GRM1: variants seen among roughly 807,000 people sequenced by gnomAD.
GRM1 encodes the protein metabotropic glutamate receptor 1.
GRM1 carries 33 observed loss-of-function variants against 90.9 expected under a neutral mutation model. The ratio of observed to expected loss-of-function variants is 0.36; its 90% CI spans 0.28 to 0.49. The LOEUF (loss-of-function observed/expected upper bound fraction) is 0.49, where lower values mean the gene tolerates loss of function less well. Among genes scored for constraint, GRM1 ranks in the 20% least tolerant of loss-of-function variants. The pLI, the probability that GRM1 is intolerant of heterozygous loss-of-function variation, is 0.99. For synonymous variants in GRM1, 700 were observed against 613.2 expected, an observed-to-expected ratio of 1.14 and a Z score of -2.09; for missense variants, 1,190 against 1,534.3, an observed-to-expected ratio of 0.78 and a Z score of 3.75.
rs140418682 is a variant in GRM1 at position 146,339,802 on chromosome 6, C to T, written c.1187-12448C>T. Among the ~76,000 whole-genome samples the T allele has an allele frequency of 5.9e-5, 9 of 152,270 alleles. No homozygotes were observed. In the East Asian group the frequency reaches 7.7e-4, roughly 13 times the overall value. On this transcript the variant is annotated intron_variant, in intron 3 of 7. Transcript: ENST00000282753. ...GTGCTGTGCTGGATTTCTGGCAGCACGCTAGCCCTCAGCTATCCTTTCCCT... is the reference window on the plus strand; with the variant it reads ...GTGCTGTGCTGGATTTCTGGCAGCATGCTAGCCCTCAGCTATCCTTTCCCT...
intron 2 of GRM1, among the ~76,000 whole-genome samples, chr6:146,287,077 G>A (rs576274768): frequency 1.3e-5 from 2 of 152,288 alleles, no homozygotes; most frequent in African/African-American, 4.8e-5. Context: ...AAGTTTTTGT[G>A]GCAGATTATT....
At chr6:146,168,035 A>G (rs1202980503) in intron 2 of GRM1, among the ~76,000 whole-genome samples, 1 of 151,924 alleles carries the variant, frequency 6.6e-6, no homozygotes, top group African/African-American at 2.4e-5. Flanking sequence ...TTTGGGCCTA[A>G]TTTTTGTATA....
In GRM1 at chr6:146,159,550, C is replaced by T. The variant is rs1242530891; in HGVS notation, c.903C>T (p.Ser301=). 2.0e-5 allele frequency: 32 copies of T among 1,613,888 alleles called. No individual in the cohort carries two copies. The highest frequency in any genetic ancestry group is 2.5e-5 in the Non-Finnish European group (30 of 1,179,962). The change falls in exon 2 of 8, where the codon AGC becomes AGT. Residue 301 remains serine (S), a synonymous_variant. Coordinates refer to ENST00000282753, the MANE Select transcript of GRM1 (RefSeq NM_001278064.2). The part of the protein sequence containing the change: ...CEGMTVRGLL[S]AMRRLGVVGE... Reference sequence around the variant, plus strand: ...GCATGACAGTGCGAGGACTCCTGAGCGCCATGCGGCGCCTTGGCGTCGTGG... The same window carrying T: ...GCATGACAGTGCGAGGACTCCTGAGTGCCATGCGGCGCCTTGGCGTCGTGG...
intron 1 of GRM1, among the ~76,000 whole-genome samples, chr6:146,081,305 T>A (rs1776356996): frequency 6.6e-6 from 1 of 152,130 alleles, no homozygotes; most frequent in Non-Finnish European, 1.5e-5. Context: ...GTTAAGAAGC[T>A]ACAGAGAGAG....
intron 5 of GRM1, among the ~76,000 whole-genome samples, chr6:146,358,658 G>A (rs1583381480): frequency 6.6e-6 from 1 of 152,320 alleles, no homozygotes; most frequent in Middle Eastern, 3.4e-3. Flanking sequence ...GCTCTGATAA[G>A]TTCACTGAAG....
chr6:146,176,606 G>A (rs935589473), intron 2 of GRM1, among the ~76,000 whole-genome samples: 9 of 151,960 alleles, frequency 5.9e-5, no homozygotes, highest in Non-Finnish European at 8.8e-5. Flanking sequence ...AGAATCAACA[G>A]CTCAAAATAT....
chr6:146,139,416 A>G (rs1407276684), intron 1 of GRM1, among the ~76,000 whole-genome samples: 1 of 152,144 alleles, frequency 6.6e-6, no homozygotes, highest in African/African-American at 2.4e-5. Context: ...ACAGGGTTGA[A>G]GTCTCTAGTT....
intron 2 of GRM1, among the ~76,000 whole-genome samples, chr6:146,216,155 A>G (rs908712121): frequency 6.6e-6 from 1 of 152,200 alleles, no homozygotes. Context: ...ATATGTATGT[A>G]TATGTATGTA....
chr6:146,105,131 T>C (rs879924876), intron 1 of GRM1, among the ~76,000 whole-genome samples: 8 of 152,216 alleles, frequency 5.3e-5, no homozygotes, highest in Non-Finnish European at 8.8e-5. Flanking sequence ...GGTTTTAAAA[T>C]AAGCAATTGG....
At chr6:146,180,729 C>T (rs1778521155) in intron 2 of GRM1, among the ~76,000 whole-genome samples, 1 of 151,974 alleles carries the variant, frequency 6.6e-6, no homozygotes, top group African/African-American at 2.4e-5. Context: ...CTTCATAGGA[C>T]TTTCATTAGC....
chr6:146,287,196 G>A (rs1254821742), intron 2 of GRM1, among the ~76,000 whole-genome samples: 2 of 152,062 alleles, frequency 1.3e-5, no homozygotes, highest in Non-Finnish European at 2.9e-5. Flanking sequence ...TAATAAGTAG[G>A]GTTTAGAGAC....
At chr6:146,046,076 C>T (rs140563312) in intron 1 of GRM1, among the ~76,000 whole-genome samples, 1 of 152,058 alleles carries the variant, frequency 6.6e-6, no homozygotes, top group East Asian at 1.9e-4. Context: ...GCTTTAAGTC[C>T]ATCTGTCTTC....
intron 1 of GRM1, among the ~76,000 whole-genome samples, chr6:146,133,462 G>A (rs574463286): frequency 2.0e-4 from 30 of 152,322 alleles, no homozygotes; most frequent in Non-Finnish European, 4.0e-4. Context: ...TAGGGGAGAT[G>A]ACAGAGGATG....
chr6:146,405,851 C>T (rs1777328686), intron 7 of GRM1, among the ~76,000 whole-genome samples: 1 of 152,090 alleles, frequency 6.6e-6, no homozygotes, highest in Non-Finnish European at 1.5e-5. Flanking sequence ...GGGAGAATGA[C>T]TCATATATTC....
chr6:146,363,552 C>T (rs989412423), intron 5 of GRM1, among the ~76,000 whole-genome samples: 4 of 151,934 alleles, frequency 2.6e-5, no homozygotes, highest in African/African-American at 9.7e-5. Flanking sequence ...ATCTCTAGAA[C>T]GTAATATAAA....
intron 1 of GRM1, among the ~76,000 whole-genome samples, chr6:146,080,327 G>C (rs1478153307): frequency 2.0e-5 from 3 of 152,096 alleles, no homozygotes; most frequent in Non-Finnish European, 4.4e-5. Flanking sequence ...TTCTGAATAT[G>C]CTGTCTTCTG....
intron 2 of GRM1, among the ~76,000 whole-genome samples, chr6:146,246,298 C>T (rs1000986639): frequency 9.9e-5 from 15 of 152,274 alleles, no homozygotes; most frequent in African/African-American, 3.4e-4. Flanking sequence ...TAGATGAGAG[C>T]TTTGGTGACA....
intron 2 of GRM1, among the ~76,000 whole-genome samples, chr6:146,193,807 A>G (rs190434492): frequency 1.3e-5 from 2 of 152,044 alleles, no homozygotes; most frequent in African/African-American, 2.4e-5. Context: ...ATGGAGACCT[A>G]TGTAGTTTCT....
In GRM1 at chr6:146,434,986, A is replaced by T. The variant is rs911358845; in HGVS notation, c.*190A>T. 1.6e-6 allele frequency: 1 copy of T among 607,082 alleles called. No homozygotes were observed. Among genetic ancestry groups the T allele is most frequent in the Admixed American group, 2.7e-5 (1 of 36,554 alleles). 37.6% of individuals were successfully genotyped at this position (607,082 alleles called of 1,614,324 possible). On this transcript the variant is annotated 3_prime_UTR_variant, in exon 8 of 8. Coordinates refer to ENST00000282753, the MANE Select transcript of GRM1 (RefSeq NM_001278064.2). Reference sequence around the variant, plus strand: ...AGAGAGGGAAGGACACCAAGCAAAAAATGTTCCAGGCCAGGATTCGGATTC... The same window carrying T: ...AGAGAGGGAAGGACACCAAGCAAAATATGTTCCAGGCCAGGATTCGGATTC...
Sources: allele counts gnomAD v4.1 joint callset (sites outside exome capture counted in the v4.1 genomes callset), GRCh38; gene constraint gnomAD v4.1.1; transcripts MANE v1.5; gene names NCBI Gene and HGNC (gene_info 2026-07-23, HGNC 2026-07-21).